The following DCC variants were observed in gnomAD, a reference collection of about 807,000 sequenced individuals.
The protein encoded by DCC is DCC netrin 1 receptor, also known as netrin receptor DCC.
In DCC, 58 loss-of-function variants were observed where a neutral mutation model predicts 172.5. That is an observed-to-expected ratio of 0.34 (90% confidence interval 0.27 to 0.42). The LOEUF is 0.42. Among genes scored for constraint, DCC ranks in the 10% least tolerant of loss-of-function variants. The pLI is 1.00. For missense variants in DCC, 1,740 were observed against 1,791.0 expected, an observed-to-expected ratio of 0.97 and a Z score of 0.51; for synonymous variants, 709 against 644.5, an observed-to-expected ratio of 1.10 and a Z score of -1.52.
At chr18:53,520,156 T>A (rs150661511) in intron 27 of DCC, among the ~76,000 whole-genome samples, 147 of 152,184 alleles carry the variant, frequency 9.7e-4, no homozygotes, top group African/African-American at 3.2e-3. Context: ...CATTTCAATG[T>A]CAAAGTCTTT....
Position 52,752,247 on chromosome 18 carries a change from G to C in DCC, c.285G>C (p.Gly95=). Residue 95 remains glycine (G), a synonymous_variant, in exon 2 of 29, where the codon GGG becomes GGC. Coordinates refer to ENST00000442544, the MANE Select transcript of DCC (RefSeq NM_005215.4). Reference sequence around the variant, plus strand: ...AAAGGAAGCAGCAACTTTCAAATGGGTCTCTGCTGATACAAAACATACTTC... The same window carrying C: ...AAAGGAAGCAGCAACTTTCAAATGGCTCTCTGCTGATACAAAACATACTTC... ...MDERKQQLSN[G]SLLIQNILHS... The C allele has an allele frequency of 6.2e-7, 1 of 1,614,110 alleles. No individual in the cohort carries two copies. Among genetic ancestry groups the C allele is most frequent in the Non-Finnish European group, 8.5e-7 (1 of 1,180,018 alleles).
chr18:52,823,003 T>C (rs567386127), intron 2 of DCC, among the ~76,000 whole-genome samples: 61 of 152,314 alleles, frequency 4.0e-4, no homozygotes, highest in African/African-American at 1.3e-3. Flanking sequence ...TCTTTTAATC[T>C]GGGTCTGTGT....
intron 2 of DCC, among the ~76,000 whole-genome samples, chr18:52,807,562 A>T (rs928756660): frequency 1.2e-4 from 18 of 152,224 alleles, no homozygotes; most frequent in Admixed American, 9.2e-4. Flanking sequence ...CAAAAAGAGG[A>T]TGCTGGAGGC....
At chr18:53,389,808 T>C (rs781098488) in intron 16 of DCC, among the ~76,000 whole-genome samples, 2 of 152,150 alleles carry the variant, frequency 1.3e-5, no homozygotes, top group Non-Finnish European at 2.9e-5. Flanking sequence ...AGATCAGAAA[T>C]AGCAGGATTG....
At chr18:53,446,124 A>AAAAAAAAACAAAAAAAC (rs369426007) in intron 22 of DCC, among the ~76,000 whole-genome samples, 1 of 117,174 alleles carries the variant, frequency 8.5e-6, no homozygotes, top group Non-Finnish European at 1.8e-5. Context: ...ACAAAAAAAA[A>AAAAAAAAACAAAAAAAC]CACTTAAAAA....
At position 53,261,379 on chromosome 18, in the gene DCC, C is replaced by T. The variant is rs537085933; in HGVS notation, c.1912-44199C>T. On this transcript the variant is annotated intron_variant, in intron 12 of 28. Transcript: ENST00000442544. Reference sequence around the variant, plus strand: ...GTGAGGACGTTTTGTGTCCTCTTCTCCTGCACTAGCATCAGGGGAGAGAAA... The same window carrying T: ...GTGAGGACGTTTTGTGTCCTCTTCTTCTGCACTAGCATCAGGGGAGAGAAA... Among the ~76,000 whole-genome samples the T allele has an allele frequency of 8.5e-5, 13 of 152,290 alleles. 1 individual carries two copies. In the South Asian group the frequency reaches 2.7e-3, roughly 32 times the overall value.
chr18:53,508,373 T>C (rs1337857433), intron 27 of DCC, among the ~76,000 whole-genome samples: 1 of 151,978 alleles, frequency 6.6e-6, no homozygotes, highest in Non-Finnish European at 1.5e-5. Flanking sequence ...TTGTATTTTT[T>C]GCAGAGATGA....
chr18:53,308,719 G>A (rs1292231273), intron 13 of DCC, among the ~76,000 whole-genome samples: 1 of 152,122 alleles, frequency 6.6e-6, no homozygotes, highest in Non-Finnish European at 1.5e-5. Flanking sequence ...TCTGTTTAAG[G>A]TAAAATCATT....
chr18:53,081,113 T>C (rs899608563), intron 7 of DCC, among the ~76,000 whole-genome samples: 1 of 151,972 alleles, frequency 6.6e-6, no homozygotes, highest in African/African-American at 2.4e-5. Context: ...TATCACTTTT[T>C]CCCCCCCTCC....
At chr18:52,923,600 TC>T in intron 3 of DCC, 106 bp from the exon 4 acceptor site, 1 of 878,912 alleles carries the variant, frequency 1.1e-6, no homozygotes. Context: ...TTCATTGGCA[TC>T]TTTTCATTTT....
intron 5 of DCC, among the ~76,000 whole-genome samples, chr18:52,970,374 A>G (rs951635757): frequency 6.6e-6 from 1 of 152,136 alleles, no homozygotes; most frequent in African/African-American, 2.4e-5. Flanking sequence ...ATTTTGATTT[A>G]TGAGAAAGTG....
At chr18:53,018,274 C>G (rs960041403) in intron 5 of DCC, among the ~76,000 whole-genome samples, 4 of 152,150 alleles carry the variant, frequency 2.6e-5, no homozygotes, top group African/African-American at 9.7e-5. Flanking sequence ...GAAATAAATA[C>G]TGACATTATA....
At chr18:52,856,431 CT>C (rs1185041772) in intron 2 of DCC, among the ~76,000 whole-genome samples, 2 of 151,596 alleles carry the variant, frequency 1.3e-5, no homozygotes, top group Non-Finnish European at 2.9e-5. Context: ...CAAGACCATC[CT>C]GGCTAACACG....
intron 1 of DCC, among the ~76,000 whole-genome samples, chr18:52,641,585 T>C (rs1442027571): frequency 7.2e-5 from 10 of 139,138 alleles, no homozygotes; most frequent in Non-Finnish European, 1.3e-4. Flanking sequence ...AAAGAAGATA[T>C]ATAAATGGCT....
At chr18:52,554,171 T>A (rs1233663967) in intron 1 of DCC, among the ~76,000 whole-genome samples, 1 of 152,056 alleles carries the variant, frequency 6.6e-6, no homozygotes, top group East Asian at 1.9e-4. Context: ...AGAAATGGCC[T>A]CAAGTTAAAG....
intron 14 of DCC, among the ~76,000 whole-genome samples, chr18:53,334,972 C>A (rs1405135854): frequency 6.6e-6 from 1 of 152,144 alleles, no homozygotes; most frequent in Non-Finnish European, 1.5e-5. Flanking sequence ...ATTGCAGGAT[C>A]ATATGTTAAT....
chr18:53,233,032 C>G (rs2056147004), intron 12 of DCC, among the ~76,000 whole-genome samples: 1 of 151,954 alleles, frequency 6.6e-6, no homozygotes, highest in Non-Finnish European at 1.5e-5. Context: ...TATTCTGCAC[C>G]CTCAAGATTT....
chr18:53,293,001 G>A (rs1396837167), intron 12 of DCC, among the ~76,000 whole-genome samples: 2 of 152,140 alleles, frequency 1.3e-5, no homozygotes, highest in South Asian at 2.1e-4. Context: ...CATGACAATC[G>A]TGACATGGGA....
intron 1 of DCC, among the ~76,000 whole-genome samples, chr18:52,657,523 T>C (rs1048132718): frequency 6.6e-6 from 1 of 152,158 alleles, no homozygotes; most frequent in African/African-American, 2.4e-5. Context: ...TTCTTGTGGA[T>C]CCCTGCAATG....
Sources: allele counts gnomAD v4.1 joint callset (sites outside exome capture counted in the v4.1 genomes callset), GRCh38; gene constraint gnomAD v4.1.1; transcripts MANE v1.5; gene names NCBI Gene and HGNC (gene_info 2026-07-23, HGNC 2026-07-21).